Variants in PEX7 observed in about 807,000 individuals in gnomAD.
PEX7 encodes peroxisomal biogenesis factor 7.
In PEX7, 34 loss-of-function variants were observed where a neutral mutation model predicts 47.5. The observed-to-expected ratio is 0.72, with a 90% CI of 0.54 to 0.95. PEX7 has a LOEUF of 0.95. Ranked by LOEUF, PEX7 falls within the 40% of genes least tolerant of loss-of-function variation. The pLI is 0.00. For synonymous variants in PEX7, 141 were observed against 148.8 expected, an observed-to-expected ratio of 0.95 and a Z score of 0.38; for missense variants, 394 against 400.3, an observed-to-expected ratio of 0.98 and a Z score of 0.13.
chr6:136,898,493 C>G (rs1221378131), intron 9 of PEX7, among the ~76,000 whole-genome samples: 2 of 152,216 alleles, frequency 1.3e-5, no homozygotes, highest in African/African-American at 4.8e-5. Context: ...AAGGCTTTCT[C>G]TAGGCCTCTC....
chr6:136,872,491 TTTCTAA>T (rs1224142468), intron 8 of PEX7, among the ~76,000 whole-genome samples: 1 of 152,208 alleles, frequency 6.6e-6, no homozygotes, highest in African/African-American at 2.4e-5. Flanking sequence ...AAAGCCATCT[TTTCTAA>T]TAGATGTTCC....
chr6:136,862,868 G>T (rs1774991839), intron 5 of PEX7, among the ~76,000 whole-genome samples: 1 of 152,172 alleles, frequency 6.6e-6, no homozygotes, highest in Non-Finnish European at 1.5e-5. Context: ...AGTCTTTATA[G>T]AATCACTTGG....
intron 5 of PEX7, among the ~76,000 whole-genome samples, chr6:136,855,255 A>G: frequency 6.6e-6 from 1 of 152,152 alleles, no homozygotes. Context: ...AACAATTGAT[A>G]GGTCTTAAAA....
Position 136,837,361 on chromosome 6 carries a change from C to CAAA in PEX7, c.340-8242_340-8240dup, listed in dbSNP as rs58922622. On this transcript the variant is annotated intron_variant, in intron 3 of 9. Coordinates refer to ENST00000318471, the MANE Select transcript of PEX7 (RefSeq NM_000288.4). ...TGGGCGACAGAGTGAGAGTCTGTCACAAAAAAAAAAAAAAGAAACTGAAAG... is the reference window on the plus strand; with the variant it reads ...TGGGCGACAGAGTGAGAGTCTGTCACAAAAAAAAAAAAAAAAAGAAACTGAAAG... 3.8e-3 allele frequency among the ~76,000 whole-genome samples: 316 copies of CAAA among 83,464 alleles called. 26 individuals carry two copies. The highest frequency in any genetic ancestry group is 0.013 in the African/African-American group (282 of 21,246). 54.8% of individuals were successfully genotyped at this position (83,464 alleles called of 152,430 possible).
rs978818225 is a variant in PEX7 at position 136,822,689 on chromosome 6, G to A, written c.24G>A (p.Ala8=). Reference sequence around the variant, plus strand: ...GGATGAGTGCGGTGTGCGGTGGAGCGGCGCGGATGCTGCGGACGCCGGGAC... The same window carrying A: ...GGATGAGTGCGGTGTGCGGTGGAGCAGCGCGGATGCTGCGGACGCCGGGAC... The part of the protein sequence containing the change: MSAVCGG[A]ARMLRTPGRH... The change falls in exon 1 of 10, where the codon GCG becomes GCA. Residue 8 remains alanine, a synonymous_variant. Coordinates refer to ENST00000318471, the MANE Select transcript of PEX7 (RefSeq NM_000288.4). 179 of 1,521,226 alleles carry A rather than the reference G, an allele frequency of 1.2e-4. No individual in the cohort carries two copies. The highest frequency in any genetic ancestry group is 2.2e-4 in the Middle Eastern group (1 of 4,506). 94.2% of individuals were successfully genotyped at this position (1,521,226 alleles called of 1,614,324 possible). A position where few individuals can be genotyped will look rare whatever the true frequency, so the allele number is the denominator to read the frequency against.
chr6:136,858,401 C>T (rs978672480), intron 5 of PEX7, among the ~76,000 whole-genome samples: 2 of 152,112 alleles, frequency 1.3e-5, no homozygotes, highest in African/African-American at 4.8e-5. Flanking sequence ...TCTTGGAGCT[C>T]TAGGGTAATT....
rs867886839 is a variant in PEX7, at chr6:136,876,099, A to G, written c.803+3846A>G. 2.1e-4 allele frequency among the ~76,000 whole-genome samples: 32 copies of G among 151,228 alleles called. No individual in the cohort carries two copies. In the East Asian group the frequency reaches 4.9e-3, roughly 23 times the overall value. On this transcript the variant is annotated intron_variant, in intron 8 of 9. Coordinates refer to ENST00000318471, the MANE Select transcript of PEX7 (RefSeq NM_000288.4). ...GTCGCCCAGGCTGGAGTGCAGTGGC[A>G]CAATCTCGGCTCACTGCAAGCTCCG...
At chr6:136,824,900 A>C (rs1041850085) in intron 1 of PEX7, among the ~76,000 whole-genome samples, 1 of 152,212 alleles carries the variant, frequency 6.6e-6, no homozygotes, top group South Asian at 2.1e-4. Context: ...GTCTGGCTAC[A>C]GAGTAGGCCC....
At chr6:136,823,267 C>T in intron 1 of PEX7, 1 of 985,400 alleles carries the variant, frequency 1.0e-6, no homozygotes, top group Non-Finnish European at 1.2e-6. Flanking sequence ...GGCTGGCCTT[C>T]CTAAGGACGA....
chr6:136,882,112 T>C (rs912472952), intron 8 of PEX7, among the ~76,000 whole-genome samples: 7 of 151,960 alleles, frequency 4.6e-5, no homozygotes, highest in African/African-American at 1.4e-4. Context: ...ACAAGAAATA[T>C]ATGAGAAGAC....
chr6:136,876,162 C>T (rs1354350297), intron 8 of PEX7, among the ~76,000 whole-genome samples: 4 of 151,956 alleles, frequency 2.6e-5, no homozygotes, highest in Non-Finnish European at 4.4e-5. Context: ...CTCAGCCTCC[C>T]GAGTAGCTGG....
Position 136,877,675 on chromosome 6 carries a change from A to G in PEX7, c.803+5422A>G, listed in dbSNP as rs540747297. Among the ~76,000 whole-genome samples, 291 of 152,102 alleles carry G rather than the reference A, an allele frequency of 1.9e-3. 2 individuals carry two copies. Among genetic ancestry groups the G allele is most frequent in the African/African-American group, 6.3e-3 (263 of 41,480 alleles). On this transcript the variant is annotated intron_variant, in intron 8 of 9. Transcript: ENST00000318471. ...TCCTTTCTCTTCCATTGGTCTATAT[A>G]TCTGTTTTGGTACCAGTACCATGCT...
intron 9 of PEX7, among the ~76,000 whole-genome samples, chr6:136,902,581 T>A (rs1036181674): frequency 4.0e-5 from 6 of 150,990 alleles, no homozygotes; most frequent in South Asian, 2.1e-4. Flanking sequence ...TCTTTGAAAA[T>A]TTTTTTTTTC....
intron 8 of PEX7, among the ~76,000 whole-genome samples, chr6:136,888,688 G>A (rs1295514153): frequency 1.3e-5 from 2 of 152,076 alleles, no homozygotes; most frequent in Non-Finnish European, 2.9e-5. Context: ...TGGCTCCTGG[G>A]ATGTGGATAT....
At chr6:136,837,093 G>A (rs1236023777) in intron 3 of PEX7, among the ~76,000 whole-genome samples, 1 of 152,082 alleles carries the variant, frequency 6.6e-6, no homozygotes, top group African/African-American at 2.4e-5. Context: ...TTTTAGCCGC[G>A]CTTACGCCTG....
chr6:136,864,482 A>C (rs541961636), intron 5 of PEX7, among the ~76,000 whole-genome samples: 15 of 152,276 alleles, frequency 9.9e-5, no homozygotes, highest in Middle Eastern at 3.4e-3. Flanking sequence ...GTGGCCACCA[A>C]ATGATTGAGC....
chr6:136,855,323 CTTTTCT>C (rs1170377193), intron 5 of PEX7, among the ~76,000 whole-genome samples: 37 of 149,978 alleles, frequency 2.5e-4, no homozygotes, highest in African/African-American at 8.6e-4. Flanking sequence ...ATTTAAAGTT[CTTTTCT>C]TTTTCTTTTT....
intron 3 of PEX7, among the ~76,000 whole-genome samples, chr6:136,831,853 A>G (rs898252160): frequency 6.6e-5 from 10 of 152,224 alleles, no homozygotes; most frequent in African/African-American, 2.4e-4. Flanking sequence ...CTACCCTTGT[A>G]GCTCTGAAAG....
intron 8 of PEX7, among the ~76,000 whole-genome samples, chr6:136,879,413 T>C (rs1775336315): frequency 6.6e-6 from 1 of 152,158 alleles, no homozygotes; most frequent in Non-Finnish European, 1.5e-5. Context: ...TTGATTTACA[T>C]TTCTTTCTTT....
Sources: gnomAD v4.1 joint callset for allele counts (sites outside exome capture counted in the v4.1 genomes callset) on GRCh38, gnomAD v4.1.1 for gene constraint, MANE v1.5 for transcripts, NCBI Gene and HGNC (gene_info 2026-07-23, HGNC 2026-07-21) for gene names.